SLC34A2: variants seen among roughly 807,000 people sequenced by gnomAD.
The protein encoded by SLC34A2 is solute carrier family 34 member 2.
Under a neutral mutation model 50.8 loss-of-function variants are expected in SLC34A2, and 41 were observed. The ratio of observed to expected loss-of-function variants is 0.81; its 90% CI spans 0.63 to 1.05. The LOEUF (loss-of-function observed/expected upper bound fraction) is 1.05. Among genes scored for constraint, SLC34A2 ranks in the 50% least tolerant of loss-of-function variants. The probability of loss-of-function intolerance (pLI) is 0.00; values close to 1 mark genes in which losing one functional copy is unlikely to be tolerated. For missense variants in SLC34A2, 879 were observed against 876.7 expected (o/e 1.00, Z -0.03); for synonymous variants, 401 against 364.2 (o/e 1.10, Z -1.15).
Position 25,662,558 on chromosome 4 carries a change from G to T in SLC34A2, c.58G>T (p.Gly20Trp), listed in dbSNP as rs1313122273. ...AQPNPDKYLE[G>W]AAGQQPTAPD... ...GCCCAACCCCGATAAGTACCTCGAAGGGGCCGCAGGTCAGCAGCCCACTGC... is the reference window on the plus strand; with the variant it reads ...GCCCAACCCCGATAAGTACCTCGAATGGGCCGCAGGTCAGCAGCCCACTGC... The change falls in exon 2 of 13, where the codon GGG (glycine) becomes TGG (tryptophan). Residue 20 changes from glycine to tryptophan, a missense_variant. Coordinates refer to ENST00000382051, the MANE Select transcript of SLC34A2 (RefSeq NM_006424.3). The T allele has an allele frequency of 6.2e-7, 1 of 1,614,100 alleles. No homozygotes were observed.
At position 25,673,243 on chromosome 4, in the gene SLC34A2, C is replaced by A. The variant is rs1577502425; in HGVS notation, c.1205C>A (p.Thr402Asn). The change falls in exon 10 of 13, where the codon ACC becomes AAC. Residue 402 changes from threonine to asparagine, a missense_variant. Physicochemically the swap from Thr to Asn is moderately conservative, Grantham distance 65 (BLOSUM62 0). Coordinates refer to ENST00000382051, the MANE Select transcript of SLC34A2 (RefSeq NM_006424.3). ...CAGGTCGCCACTGTCATCAAGAAGA[C>A]CATCAACACTGGTAGGTACACTGCC... is the stretch of plus-strand genomic sequence containing the variant. ...KGQVATVIKK[T>N]INTDFPFPFA... 1 of 1,613,074 alleles carries A rather than the reference C, an allele frequency of 6.2e-7. No individual in the cohort carries two copies. The highest frequency in any genetic ancestry group is 8.5e-7 in the Non-Finnish European group (1 of 1,179,954).
At chr4:25,662,983 T>C (rs1049636320) in intron 3 of SLC34A2, 141 bp downstream of exon 3, 4 of 356,504 alleles carry the variant, frequency 1.1e-5, no homozygotes, top group Non-Finnish European at 1.3e-5. Flanking sequence ...CCCTCTCATC[T>C]TTTTTTTTTT....
intron 3 of SLC34A2, among the ~76,000 whole-genome samples, chr4:25,663,274 G>A (rs1449611261): frequency 6.6e-6 from 1 of 152,172 alleles, no homozygotes; most frequent in East Asian, 1.9e-4. Context: ...CTTTGAGGTA[G>A]AGTCAAAGCA....
At chr4:25,659,429 A>G (rs1011875729) in intron 1 of SLC34A2, among the ~76,000 whole-genome samples, 36 of 151,906 alleles carry the variant, frequency 2.4e-4, no homozygotes, top group Non-Finnish European at 2.7e-4. Flanking sequence ...TGAAGAGCTT[A>G]TAGTCTAGGG....
chr4:25,671,506 G>T, intron 8 of SLC34A2, 95 bp from the exon 9 acceptor site: 1 of 1,487,554 alleles, frequency 6.7e-7, no homozygotes, highest in Non-Finnish European at 9.4e-7. Flanking sequence ...TGCACCATGG[G>T]TGGTGTCTGC....
Position 25,674,499 on chromosome 4 carries a change from C to T in SLC34A2, c.1334-6C>T. On this transcript the variant is annotated splice_region_variant and splice_polypyrimidine_tract_variant and intron_variant, in intron 11 of 12. Coordinates refer to ENST00000382051, the MANE Select transcript of SLC34A2 (RefSeq NM_006424.3). ...CTGATATGTTTGTGTTTTGTGTTTC[C>T]CCCAGGAATCGGCGTGATAACCATT... 5 of 1,614,188 alleles carry T rather than the reference C, an allele frequency of 3.1e-6. No homozygotes were observed. Among genetic ancestry groups the T allele is most frequent in the Non-Finnish European group, 4.2e-6 (5 of 1,180,046 alleles).
At chr4:25,665,087 A>G (rs1198941129) in intron 4 of SLC34A2, 1 of 219,126 alleles carries the variant, frequency 4.6e-6, no homozygotes, top group Admixed American at 5.8e-5. Context: ...TTGGGAACCC[A>G]TCTGTGTGAC....
intron 1 of SLC34A2, among the ~76,000 whole-genome samples, chr4:25,660,913 C>G (rs1233790121): frequency 6.6e-6 from 1 of 152,166 alleles, no homozygotes; most frequent in Non-Finnish European, 1.5e-5. Flanking sequence ...TTTCTCCAAT[C>G]TTTTGGACTG....
chr4:25,676,621 G>C lies in SLC34A2; in HGVS notation c.1945G>C (p.Glu649Gln). The C allele has an allele frequency of 3.7e-6, 6 of 1,614,042 alleles. No homozygotes were observed. Among genetic ancestry groups the C allele is most frequent in the Admixed American group, 1.7e-5 (1 of 60,028 alleles). The change falls in exon 13 of 13, where the codon GAG (glutamate) becomes CAG (glutamine). Residue 649 changes from glutamate (E) to glutamine (Q), a missense_variant. Physicochemically the swap from Glu to Gln is conservative, Grantham distance 29. Transcript: ENST00000382051. ...CTGCAGCAAGTGCTGCGAGGACTTG[G>C]AGGAGGCGCAGGAGGGGCAGGATGT... Reference protein sequence around the residue: ...CRCSKCCEDLEEAQEGQDVPV... With the variant: ...CRCSKCCEDLQEAQEGQDVPV...
rs1225384898 is a variant in SLC34A2, at chr4:25,667,887, T to G, written c.531T>G (p.Thr177=). The G allele has an allele frequency of 1.2e-6, 2 of 1,611,536 alleles. No homozygotes were observed. Among genetic ancestry groups the G allele is most frequent in the Non-Finnish European group, 1.7e-6 (2 of 1,177,598 alleles). The change falls in exon 6 of 13, where the codon ACT becomes ACG. Residue 177 remains threonine, a synonymous_variant. Coordinates refer to ENST00000382051, the MANE Select transcript of SLC34A2 (RefSeq NM_006424.3). ...TACTTTTCCATCCTCTAGTGCTCAC[T>G]GTTCGGGCTGCCATCCCCATTATCA... ...VVSMVSSSLL[T]VRAAIPIIMG... is the part of the protein sequence containing the mutation.
chr4:25,671,631 G>T lies in SLC34A2; in HGVS notation c.958G>T (p.Ala320Ser). The T allele has an allele frequency of 6.2e-7, 1 of 1,614,098 alleles. No individual in the cohort carries two copies. Among genetic ancestry groups the T allele is most frequent in the Non-Finnish European group, 8.5e-7 (1 of 1,180,018 alleles). ...GATTAACGTCACTGTTCCCTCGACT[G>T]CTAACTGCACCTCCCCTTCCCTCTG... ...TQINVTVPST[A>S]NCTSPSLCWT... Residue 320 changes from alanine to serine, a missense_variant, in exon 9 of 13, where the codon GCT (alanine) becomes TCT (serine). Ala to Ser is a moderately conservative substitution (Grantham distance 99). Coordinates refer to ENST00000382051, the MANE Select transcript of SLC34A2 (RefSeq NM_006424.3).
chr4:25,659,985 C>A (rs1250049085), intron 1 of SLC34A2, among the ~76,000 whole-genome samples: 1 of 152,152 alleles, frequency 6.6e-6, no homozygotes, highest in African/African-American at 2.4e-5. Flanking sequence ...AAGCATTTCC[C>A]TATGGTTTTA....
intron 8 of SLC34A2, among the ~76,000 whole-genome samples, chr4:25,671,134 A>G (rs956128409): frequency 6.6e-6 from 1 of 152,162 alleles, no homozygotes; most frequent in African/African-American, 2.4e-5. Context: ...CTCTGTTCTC[A>G]TTTTTGGAGA....
At chr4:25,669,975 C>A in intron 7 of SLC34A2, 133 bp downstream of exon 7, 1 of 888,360 alleles carries the variant, frequency 1.1e-6, no homozygotes, top group Non-Finnish European at 1.8e-6. Flanking sequence ...GTTTTCCCAG[C>A]ACTTTGGGAG....
In SLC34A2 at chr4:25,664,186, T is replaced by G; in HGVS notation, c.251-16T>G. ...TCATGCCTTTCTCTCTCTCCCCCCA[T>G]CCCACCCCCCTGCAGAGAGAGACAC... On this transcript the variant is annotated splice_polypyrimidine_tract_variant and intron_variant, in intron 3 of 12. Transcript: ENST00000382051. 86 of 1,312,548 alleles carry G rather than the reference T, an allele frequency of 6.6e-5. No individual in the cohort carries two copies. Among genetic ancestry groups the G allele is most frequent in the Non-Finnish European group, 7.7e-5 (71 of 917,736 alleles). 81.3% of individuals were successfully genotyped at this position (1,312,548 alleles called of 1,614,324 possible).
chr4:25,666,195 C>T lies in SLC34A2; in HGVS notation c.447C>T (p.Ile149=), dbSNP rs750115375. ...IMSNPLLGLV[I]GVLVTVLVQS... ...CCAACCCTTTGTTGGGGCTGGTGAT[C>T]GGGGTGCTGGTGACCGTCTTGGTGC... Residue 149 remains isoleucine (I), a synonymous_variant, in exon 5 of 13, where the codon ATC becomes ATT. Transcript: ENST00000382051. 66 of 1,614,030 alleles carry T rather than the reference C, an allele frequency of 4.1e-5. No homozygotes were observed. The highest frequency in any genetic ancestry group is 3.3e-4 in the Admixed American group (20 of 60,014).
chr4:25,677,559 T>A lies in SLC34A2; in HGVS notation c.*810T>A, dbSNP rs890184956. 6.6e-6 allele frequency: 1 copy of A among 152,220 alleles called. No individual in the cohort carries two copies. The highest frequency in any genetic ancestry group is 2.4e-5 in the African/African-American group (1 of 41,446). The allele number at this position is 152,220 out of a possible 1,614,324, so 9.4% of individuals were successfully genotyped here. ...ATTCTGCCAAAAGGGCCCCAGATTC[T>A]TAATTTAGCAAACTAAGAAGCCCAA... On this transcript the variant is annotated 3_prime_UTR_variant, in exon 13 of 13. Transcript: ENST00000382051.
chr4:25,658,601 TG>T (rs1714009682), intron 1 of SLC34A2, among the ~76,000 whole-genome samples: 1 of 152,196 alleles, frequency 6.6e-6, no homozygotes, highest in Non-Finnish European at 1.5e-5. Context: ...TTTCTGGCAG[TG>T]GGTGCCCATG....
rs768341142 is a variant in SLC34A2 at position 25,669,734 on chromosome 4, C to T, written c.723C>T (p.Leu241=). The T allele has an allele frequency of 1.4e-5, 23 of 1,614,040 alleles. No homozygotes were observed. In the Admixed American group the frequency reaches 2.0e-4, roughly 14 times the overall value. ...CCGTGGAGGTGGCCACCCATTACCTCGAGATCATAACCCAGCTTATAGTGG... is the reference window on the plus strand; with the variant it reads ...CCGTGGAGGTGGCCACCCATTACCTTGAGATCATAACCCAGCTTATAGTGG... ...LLPVEVATHY[L]EIITQLIVES... The change falls in exon 7 of 13, where the codon CTC becomes CTT. Residue 241 remains leucine (L), a synonymous_variant. Coordinates refer to ENST00000382051, the MANE Select transcript of SLC34A2 (RefSeq NM_006424.3).
Sources: gnomAD v4.1 joint callset for allele counts (sites outside exome capture counted in the v4.1 genomes callset) on GRCh38, gnomAD v4.1.1 for gene constraint, MANE v1.5 for transcripts, NCBI Gene and HGNC (gene_info 2026-07-23, HGNC 2026-07-21) for gene names.